The following MTUS2 variants were observed in gnomAD, a reference collection of about 807,000 sequenced individuals.
MTUS2 encodes microtubule-associated tumor suppressor candidate 2.
Under a neutral mutation model 114.1 loss-of-function variants are expected in MTUS2, and 40 were observed. That is an observed-to-expected ratio of 0.35 (90% CI 0.27 to 0.46). The LOEUF is 0.46. MTUS2 is among the 20% of genes least tolerant of loss of function. The probability of loss-of-function intolerance (pLI) is 1.00; values close to 1 mark genes in which losing one functional copy is unlikely to be tolerated. For missense variants in MTUS2, 1,679 were observed against 1,705.4 expected (o/e 0.98, Z 0.27); for synonymous variants, 688 against 672.0 (o/e 1.02, Z -0.37).
intron 4 of MTUS2, among the ~76,000 whole-genome samples, chr13:29,051,862 A>G (rs1168765976): frequency 6.6e-6 from 1 of 152,188 alleles, no homozygotes; most frequent in Non-Finnish European, 1.5e-5. Flanking sequence ...TATGAAATAT[A>G]AGGGGCAAAT....
intron 2 of MTUS2, among the ~76,000 whole-genome samples, chr13:28,927,947 C>T (rs1354636911): frequency 6.6e-6 from 1 of 152,048 alleles, no homozygotes; most frequent in Non-Finnish European, 1.5e-5. Flanking sequence ...ATAGAGAACC[C>T]AGAAATAAAA....
At chr13:28,886,482 G>T (rs921299797) in intron 2 of MTUS2, among the ~76,000 whole-genome samples, 1 of 152,130 alleles carries the variant, frequency 6.6e-6, no homozygotes, top group Non-Finnish European at 1.5e-5. Context: ...TATGAGGTAT[G>T]AGAGGAAGAG....
intron 9 of MTUS2, among the ~76,000 whole-genome samples, chr13:29,457,418 C>T (rs1879197612): frequency 6.6e-6 from 1 of 151,754 alleles, no homozygotes; most frequent in African/African-American, 2.4e-5. Context: ...TGTCTGGCTG[C>T]TATTGCTCCA....
Position 29,380,865 on chromosome 13 carries a change from G to A in MTUS2, c.3117+21392G>A, listed in dbSNP as rs1475613971. 1.7e-4 allele frequency among the ~76,000 whole-genome samples: 3 copies of A among 18,054 alleles called. 1 individual carries two copies. The highest frequency in any genetic ancestry group is 2.2e-3 in the Admixed American group (2 of 928). 11.8% of individuals were successfully genotyped at this position (18,054 alleles called of 152,430 possible). A position where few individuals can be genotyped will look rare whatever the true frequency, so the allele number is the denominator to read the frequency against. On this transcript the variant is annotated intron_variant, in intron 8 of 15. Coordinates refer to ENST00000612955, the MANE Select transcript of MTUS2 (RefSeq NM_001033602.4). ...CGGGAAGTGGAGCTTGCAGTGAGCC[G>A]AGATTGCGCCACTGCAGTCCGCAGT...
rs78084671 is a variant in MTUS2 at position 29,417,405 on chromosome 13, T to C, written c.3118-22578T>C. ...AATCCAAACTATTTTAGTATTGGTT[T>C]ATTTTTTCTTTTCAGATAGTCTAAT... On this transcript the variant is annotated intron_variant, in intron 8 of 15. Transcript: ENST00000612955. Among the ~76,000 whole-genome samples, 380 of 152,342 alleles carry C rather than the reference T, an allele frequency of 2.5e-3. 6 individuals carry two copies. In the East Asian group the frequency reaches 0.054, roughly 22 times the overall value.
intron 5 of MTUS2, among the ~76,000 whole-genome samples, chr13:29,181,010 C>A (rs1893980387): frequency 1.3e-5 from 2 of 152,180 alleles, no homozygotes; most frequent in African/African-American, 4.8e-5. Flanking sequence ...CTGTTGAACT[C>A]TTTCTATAGC....
intron 2 of MTUS2, among the ~76,000 whole-genome samples, chr13:28,872,328 T>TA (rs1286518638): frequency 1.3e-4 from 20 of 152,106 alleles, no homozygotes; most frequent in Non-Finnish European, 2.4e-4. Flanking sequence ...TTTGAGTAGA[T>TA]ACGATGGCTT....
At chr13:29,339,780 G>C (rs544670313) in intron 7 of MTUS2, 34 of 160,062 alleles carry the variant, frequency 2.1e-4, no homozygotes, top group African/African-American at 6.5e-4. Flanking sequence ...CGGACCCAGC[G>C]CTTCCCATTG....
chr13:29,010,082 G>A (rs565828674), intron 2 of MTUS2, among the ~76,000 whole-genome samples: 10 of 151,964 alleles, frequency 6.6e-5, no homozygotes, highest in South Asian at 2.1e-4. Context: ...ATGGTGGCAC[G>A]TGCCTGTAGT....
At chr13:28,870,447 G>A (rs1877553043) in intron 2 of MTUS2, among the ~76,000 whole-genome samples, 1 of 152,148 alleles carries the variant, frequency 6.6e-6, no homozygotes, top group South Asian at 2.1e-4. Context: ...GGGACTCCAT[G>A]TCACAGCCTC....
At chr13:29,471,480 C>T (rs1392932157) in intron 9 of MTUS2, among the ~76,000 whole-genome samples, 1 of 152,172 alleles carries the variant, frequency 6.6e-6, no homozygotes, top group East Asian at 1.9e-4. Flanking sequence ...AAAGTCAACG[C>T]CAGTTTATTG....
intron 15 of MTUS2, among the ~76,000 whole-genome samples, chr13:29,502,305 A>G (rs76677843): frequency 0.019 from 2,866 of 152,378 alleles, 83 homozygotes; most frequent in African/African-American, 0.065. Flanking sequence ...TCATTCTTCA[A>G]AAATGCAACA....
intron 2 of MTUS2, among the ~76,000 whole-genome samples, chr13:29,004,105 T>G (rs925639543): frequency 5.3e-5 from 8 of 152,164 alleles, no homozygotes; most frequent in Non-Finnish European, 8.8e-5. Flanking sequence ...TTGGTTTGGT[T>G]CCTGCCAGCC....
intron 6 of MTUS2, among the ~76,000 whole-genome samples, chr13:29,290,642 T>TA (rs1898671446): frequency 6.6e-6 from 1 of 152,140 alleles, no homozygotes; most frequent in African/African-American, 2.4e-5. Flanking sequence ...GAACATCTCT[T>TA]ACACCCCATT....
intron 5 of MTUS2, among the ~76,000 whole-genome samples, chr13:29,141,770 A>C (rs775190194): frequency 1.3e-5 from 2 of 152,178 alleles, no homozygotes; most frequent in Non-Finnish European, 2.9e-5. Flanking sequence ...ACACTGTTCT[A>C]TGTGCTAAGG....
chr13:28,823,577 T>C (rs1335235478), intron 1 of MTUS2, among the ~76,000 whole-genome samples: 3 of 152,196 alleles, frequency 2.0e-5, no homozygotes, highest in African/African-American at 7.2e-5. Flanking sequence ...GACCAAACTT[T>C]AGTCAGGCTC....
chr13:29,114,497 A>G (rs746915117), intron 5 of MTUS2, among the ~76,000 whole-genome samples: 1 of 152,252 alleles, frequency 6.6e-6, no homozygotes, highest in Non-Finnish European at 1.5e-5. Context: ...GTGTCTAAAT[A>G]TAATAGTTTC....
intron 8 of MTUS2, among the ~76,000 whole-genome samples, chr13:29,360,098 C>CA (rs1254122956): frequency 6.6e-6 from 1 of 152,190 alleles, no homozygotes; most frequent in South Asian, 2.1e-4. Flanking sequence ...ATAAGCATCC[C>CA]AGCCTTTCCC....
At chr13:29,030,318 C>T (rs573646603) in intron 3 of MTUS2, among the ~76,000 whole-genome samples, 2 of 152,132 alleles carry the variant, frequency 1.3e-5, no homozygotes, top group Admixed American at 6.5e-5. Context: ...CCTCGCACCT[C>T]GAGCATCCCA....
Sources: allele counts gnomAD v4.1 joint callset (sites outside exome capture counted in the v4.1 genomes callset), GRCh38; gene constraint gnomAD v4.1.1; transcripts MANE v1.5; gene names NCBI Gene and HGNC (gene_info 2026-07-23, HGNC 2026-07-21).